The following GAS2 variants were observed in gnomAD, a reference collection of about 807,000 sequenced individuals.
GAS2 encodes growth arrest-specific protein 2.
GAS2 carries 20 observed loss-of-function variants against 37.5 expected under a neutral mutation model. That is an observed-to-expected ratio of 0.53 (90% CI 0.37 to 0.77). The LOEUF (loss-of-function observed/expected upper bound fraction) is 0.77. GAS2 is among the 30% of genes least tolerant of loss of function. GAS2 has a pLI of 0.00. For synonymous variants in GAS2, 144 were observed against 132.2 expected, an observed-to-expected ratio of 1.09 and a Z score of -0.61; for missense variants, 336 against 373.4, an observed-to-expected ratio of 0.90 and a Z score of 0.82.
chr11:22,682,517 G>T (rs1480089156), intron 2 of GAS2, among the ~76,000 whole-genome samples: 2 of 152,058 alleles, frequency 1.3e-5, no homozygotes, highest in African/African-American at 4.8e-5. Flanking sequence ...AAACTTATTT[G>T]AATAACATTA....
intron 1 of GAS2, among the ~76,000 whole-genome samples, chr11:22,654,329 T>A (rs955085960): frequency 1.3e-5 from 2 of 152,036 alleles, no homozygotes; most frequent in Non-Finnish European, 2.9e-5. Flanking sequence ...TTGAAATTAT[T>A]TAAATAATTT....
chr11:22,733,900 C>G (rs1852612062), intron 4 of GAS2, among the ~76,000 whole-genome samples: 1 of 151,784 alleles, frequency 6.6e-6, no homozygotes, highest in Non-Finnish European at 1.5e-5. Context: ...CAGCAATCCT[C>G]TCTTCTACCC....
chr11:22,633,203 T>C (rs1443143322), intron 1 of GAS2, among the ~76,000 whole-genome samples: 1 of 152,230 alleles, frequency 6.6e-6, no homozygotes, highest in Non-Finnish European at 1.5e-5. Flanking sequence ...AATTACTTCT[T>C]GAATTTATTT....
intron 7 of GAS2, among the ~76,000 whole-genome samples, chr11:22,799,120 G>A (rs1856554032): frequency 6.6e-6 from 1 of 152,040 alleles, no homozygotes; most frequent in Non-Finnish European, 1.5e-5. Flanking sequence ...CTAAATTTAG[G>A]TGGGTTGTCT....
chr11:22,735,703 A>G lies in GAS2; in HGVS notation c.410-2002A>G, dbSNP rs539479407. On this transcript the variant is annotated intron_variant, in intron 4 of 7. Transcript: ENST00000454584. ...AATTTGATTTTCCAAATTAGTACTC[A>G]GAATATGTACAGTAAGTTGGTTAAA... is the stretch of plus-strand genomic sequence containing the variant. Among the ~76,000 whole-genome samples the G allele has an allele frequency of 2.6e-5, 4 of 152,030 alleles. No homozygotes were observed. In the South Asian group the frequency reaches 8.3e-4, roughly 32 times the overall value.
intron 7 of GAS2, among the ~76,000 whole-genome samples, chr11:22,762,640 A>G (rs745888325): frequency 6.6e-6 from 1 of 152,182 alleles, no homozygotes; most frequent in Non-Finnish European, 1.5e-5. Context: ...AGTATTCAGA[A>G]TACAAAGGGC....
chr11:22,755,832 C>T lies in GAS2; in HGVS notation c.616-14C>T. The T allele has an allele frequency of 6.3e-7, 1 of 1,591,122 alleles. No individual in the cohort carries two copies. Among genetic ancestry groups the T allele is most frequent in the Non-Finnish European group, 8.6e-7 (1 of 1,159,800 alleles). Reference sequence around the variant, plus strand: ...TAATTAAGACAAATGAATGTGCCTGCTCTTCTATTTCAGGTGAAACGAATT... The same window carrying T: ...TAATTAAGACAAATGAATGTGCCTGTTCTTCTATTTCAGGTGAAACGAATT... On this transcript the variant is annotated splice_polypyrimidine_tract_variant and intron_variant, in intron 6 of 7. Coordinates refer to ENST00000454584, the MANE Select transcript of GAS2 (RefSeq NM_001143830.3).
At chr11:22,805,746 A>G (rs1856853584) in intron 7 of GAS2, among the ~76,000 whole-genome samples, 1 of 152,124 alleles carries the variant, frequency 6.6e-6, no homozygotes, top group Admixed American at 6.6e-5. Context: ...CCATAAACAA[A>G]ACATCCCTGA....
At chr11:22,627,057 T>C (rs1858669883) in intron 1 of GAS2, among the ~76,000 whole-genome samples, 1 of 152,232 alleles carries the variant, frequency 6.6e-6, no homozygotes. Context: ...CCTCCCAAAG[T>C]GCTGGGATTA....
chr11:22,795,618 C>G (rs1365074671), intron 7 of GAS2, among the ~76,000 whole-genome samples: 2 of 152,058 alleles, frequency 1.3e-5, no homozygotes, highest in African/African-American at 4.8e-5. Context: ...GTGGCTGTCA[C>G]AGAGCATTTG....
intron 7 of GAS2, among the ~76,000 whole-genome samples, chr11:22,794,296 G>T (rs1184758923): frequency 3.3e-5 from 5 of 151,940 alleles, no homozygotes; most frequent in Non-Finnish European, 7.4e-5. Flanking sequence ...CAGCAAACCT[G>T]CTCCTCCTTT....
intron 1 of GAS2, among the ~76,000 whole-genome samples, chr11:22,635,211 G>A (rs1196101517): frequency 6.6e-6 from 1 of 150,650 alleles, no homozygotes; most frequent in Non-Finnish European, 1.5e-5. Context: ...AGGGTAGATG[G>A]AGGTGCAAAG....
chr11:22,668,422 T>C (rs1038417509), intron 1 of GAS2: 3 of 152,262 alleles, frequency 2.0e-5, no homozygotes, highest in African/African-American at 7.2e-5. Context: ...AATGGTCCCT[T>C]ACATGGAAAA....
chr11:22,723,653 T>C (rs946204752), intron 3 of GAS2, among the ~76,000 whole-genome samples: 1 of 152,010 alleles, frequency 6.6e-6, no homozygotes, highest in African/African-American at 2.4e-5. Flanking sequence ...TCCTAGATTA[T>C]AGTTTTTACA....
chr11:22,794,272 T>A (rs868406358), intron 7 of GAS2, among the ~76,000 whole-genome samples: 5 of 152,124 alleles, frequency 3.3e-5, no homozygotes, highest in Admixed American at 6.6e-5. Flanking sequence ...GCTGTAAGAC[T>A]TATGCCCTCA....
chr11:22,717,106 C>A (rs1851716938), intron 3 of GAS2, among the ~76,000 whole-genome samples: 1 of 149,548 alleles, frequency 6.7e-6, no homozygotes, highest in African/African-American at 2.5e-5. Flanking sequence ...TAATTCCCAT[C>A]AAAATACAAT....
intron 4 of GAS2, among the ~76,000 whole-genome samples, chr11:22,732,010 A>G (rs1852502312): frequency 6.6e-6 from 1 of 151,752 alleles, no homozygotes; most frequent in Admixed American, 6.6e-5. Context: ...GGGAAGATGC[A>G]GGAGGGAGCA....
intron 3 of GAS2, among the ~76,000 whole-genome samples, chr11:22,697,018 C>G (rs933294749): frequency 6.6e-5 from 10 of 151,518 alleles, no homozygotes; most frequent in African/African-American, 2.4e-4. Flanking sequence ...AGTCCTTGCC[C>G]ATGCCTATGT....
intron 3 of GAS2, among the ~76,000 whole-genome samples, chr11:22,717,552 C>G (rs1851741405): frequency 6.6e-6 from 1 of 152,072 alleles, no homozygotes; most frequent in East Asian, 1.9e-4. Flanking sequence ...AAAAACTCTT[C>G]TAGACATTAT....
Sources: allele counts gnomAD v4.1 joint callset (sites outside exome capture counted in the v4.1 genomes callset), GRCh38; gene constraint gnomAD v4.1.1; transcripts MANE v1.5; gene names NCBI Gene and HGNC (gene_info 2026-07-23, HGNC 2026-07-21).